NMNAT2: variants seen among roughly 807,000 people sequenced by gnomAD.
NMNAT2 encodes nicotinamide nucleotide adenylyltransferase 2.
A neutral mutation model predicts 41.6 loss-of-function variants in NMNAT2; 11 were observed. The ratio of observed to expected loss-of-function variants is 0.26; its 90% confidence interval spans 0.17 to 0.44. NMNAT2 has a LOEUF of 0.44. Among genes scored for constraint, NMNAT2 ranks in the 20% least tolerant of loss-of-function variants. The pLI is 1.00. For missense variants in NMNAT2, 288 were observed against 407.7 expected (o/e 0.71, Z 2.53); for synonymous variants, 148 against 151.2 (o/e 0.98, Z 0.16).
chr1:183,271,863 C>T (rs1047840976), intron 8 of NMNAT2, among the ~76,000 whole-genome samples: 1 of 152,138 alleles, frequency 6.6e-6, no homozygotes, highest in Admixed American at 6.5e-5. Context: ...AGCAATTCTC[C>T]TGCCTCAGCC....
At chr1:183,253,545 A>G (rs896481095) in intron 10 of NMNAT2, among the ~76,000 whole-genome samples, 3 of 152,122 alleles carry the variant, frequency 2.0e-5, no homozygotes, top group African/African-American at 7.2e-5. Flanking sequence ...TTTGTCCTAC[A>G]TATTTGCTAC....
At position 183,290,046 on chromosome 1, in the gene NMNAT2, C is replaced by T. The variant is rs1290959650; in HGVS notation, c.321+82G>A. Reference sequence around the variant, plus strand: ...ATAGGCCAGCAGCACCCTCTCCTCTCCCTGCCTGGTTTCTGTGGGTCCAGC... The same window carrying T: ...ATAGGCCAGCAGCACCCTCTCCTCTTCCTGCCTGGTTTCTGTGGGTCCAGC... On this transcript the variant is annotated intron_variant, in intron 4 of 10. Coordinates refer to ENST00000287713, the MANE Select transcript of NMNAT2 (RefSeq NM_015039.4). The T allele has an allele frequency of 1.0e-5, 12 of 1,149,308 alleles. No homozygotes were observed. In the Admixed American group the frequency reaches 1.3e-4, roughly 13 times the overall value. 71.2% of individuals were successfully genotyped at this position (1,149,308 alleles called of 1,614,324 possible). A position where few individuals can be genotyped will look rare whatever the true frequency, so the allele number is the denominator to read the frequency against.
chr1:183,371,863 T>C (rs1345903103), intron 1 of NMNAT2, among the ~76,000 whole-genome samples: 1 of 152,214 alleles, frequency 6.6e-6, no homozygotes, highest in African/African-American at 2.4e-5. Context: ...CACTGCAGCC[T>C]TGATCCCCTG....
chr1:183,292,224 C>T (rs1431968403), intron 3 of NMNAT2, among the ~76,000 whole-genome samples: 1 of 152,208 alleles, frequency 6.6e-6, no homozygotes, highest in Non-Finnish European at 1.5e-5. Context: ...GCAAGCTCAG[C>T]GGAGGTGGGT....
At chr1:183,352,219 C>T (rs1663075219) in intron 1 of NMNAT2, among the ~76,000 whole-genome samples, 1 of 152,114 alleles carries the variant, frequency 6.6e-6, no homozygotes, top group South Asian at 2.1e-4. Context: ...GATCACTAAG[C>T]AAGCTTCTGA....
At chr1:183,346,072 T>G (rs1215621356) in intron 1 of NMNAT2, among the ~76,000 whole-genome samples, 1 of 152,148 alleles carries the variant, frequency 6.6e-6, no homozygotes, top group Non-Finnish European at 1.5e-5. Flanking sequence ...CCACATCTAA[T>G]AATTTGTCAC....
At chr1:183,370,468 A>G (rs1663511197) in intron 1 of NMNAT2, among the ~76,000 whole-genome samples, 1 of 152,196 alleles carries the variant, frequency 6.6e-6, no homozygotes, top group African/African-American at 2.4e-5. Context: ...ATCATCAGGC[A>G]GAGTGTCTGA....
intron 1 of NMNAT2, among the ~76,000 whole-genome samples, chr1:183,347,839 A>T (rs1662965624): frequency 6.6e-6 from 1 of 152,176 alleles, no homozygotes; most frequent in Non-Finnish European, 1.5e-5. Context: ...TCACACTTTT[A>T]GACCAGTTGA....
chr1:183,382,948 G>A (rs910615844), intron 1 of NMNAT2, among the ~76,000 whole-genome samples: 1 of 152,148 alleles, frequency 6.6e-6, no homozygotes, highest in Non-Finnish European at 1.5e-5. Context: ...CTCTGTGTGG[G>A]GGCTCCAATC....
intron 1 of NMNAT2, among the ~76,000 whole-genome samples, chr1:183,307,578 A>G (rs1023742544): frequency 6.6e-6 from 1 of 151,984 alleles, no homozygotes; most frequent in Non-Finnish European, 1.5e-5. Flanking sequence ...AAGTAGCTGG[A>G]ATTACAGGCT....
chr1:183,343,747 A>G (rs182690490), intron 1 of NMNAT2, among the ~76,000 whole-genome samples: 8 of 152,262 alleles, frequency 5.3e-5, no homozygotes, highest in African/African-American at 1.7e-4. Flanking sequence ...AAAGTGATTT[A>G]TTTTCCCTAA....
intron 1 of NMNAT2, among the ~76,000 whole-genome samples, chr1:183,301,427 T>A (rs561946466): frequency 3.3e-5 from 5 of 152,250 alleles, no homozygotes; most frequent in Admixed American, 6.5e-5. Context: ...AAGCTGTAGC[T>A]ATGGCCCTGG....
At chr1:183,346,349 C>T (rs1415195621) in intron 1 of NMNAT2, among the ~76,000 whole-genome samples, 1 of 152,186 alleles carries the variant, frequency 6.6e-6, no homozygotes, top group Non-Finnish European at 1.5e-5. Context: ...CCAGCCATAA[C>T]CAACATGTTG....
At chr1:183,296,960 G>A (rs756733122) in intron 1 of NMNAT2, among the ~76,000 whole-genome samples, 3 of 151,948 alleles carry the variant, frequency 2.0e-5, no homozygotes, top group African/African-American at 7.3e-5. Flanking sequence ...TTCACACTCC[G>A]CTCCTCTTCG....
At chr1:183,352,646 A>T (rs1398208844) in intron 1 of NMNAT2, among the ~76,000 whole-genome samples, 1 of 152,098 alleles carries the variant, frequency 6.6e-6, no homozygotes, top group Non-Finnish European at 1.5e-5. Flanking sequence ...ATAAAATGCA[A>T]ATATGGACAT....
At chr1:183,344,955 C>T (rs1410594629) in intron 1 of NMNAT2, among the ~76,000 whole-genome samples, 1 of 152,162 alleles carries the variant, frequency 6.6e-6, no homozygotes, top group South Asian at 2.1e-4. Flanking sequence ...GTCTGTCCTT[C>T]ACTAGTTCAG....
At chr1:183,304,629 C>A (rs879103366) in intron 1 of NMNAT2, 6 of 1,580,694 alleles carry the variant, frequency 3.8e-6, no homozygotes, top group Non-Finnish European at 5.2e-6. Flanking sequence ...CCTCCAGCTG[C>A]CCCGCCCTCA....
At chr1:183,412,139 T>C (rs750177381) in intron 1 of NMNAT2, among the ~76,000 whole-genome samples, 4 of 152,266 alleles carry the variant, frequency 2.6e-5, no homozygotes, top group Non-Finnish European at 4.4e-5. Flanking sequence ...TTGACAGAGA[T>C]ACGGAGCTCT....
At chr1:183,387,297 T>C (rs1648275066) in intron 1 of NMNAT2, among the ~76,000 whole-genome samples, 1 of 151,674 alleles carries the variant, frequency 6.6e-6, no homozygotes, top group Non-Finnish European at 1.5e-5. Flanking sequence ...ATTTGGAATA[T>C]ATAATTAATT....
Sources: allele counts gnomAD v4.1 joint callset (sites outside exome capture counted in the v4.1 genomes callset), GRCh38; gene constraint gnomAD v4.1.1; transcripts MANE v1.5; gene names NCBI Gene and HGNC (gene_info 2026-07-23, HGNC 2026-07-21).